The following TANC2 variants were observed in gnomAD, a reference collection of about 807,000 sequenced individuals.
The protein encoded by TANC2 is tetratricopeptide repeat, ankyrin repeat and coiled-coil containing 2.
In TANC2, 26 loss-of-function variants were observed where a neutral mutation model predicts 210.5. The ratio of observed to expected loss-of-function variants is 0.12; its 90% confidence interval spans 0.09 to 0.17. The LOEUF is 0.17. TANC2 is among the 10% of genes least tolerant of loss of function. The pLI is 1.00. For synonymous variants in TANC2, 931 were observed against 967.1 expected (o/e 0.96, Z 0.69); for missense variants, 2,129 against 2,608.9 (o/e 0.82, Z 4.01).
chr17:62,983,972 T>C (rs1423841327), intron 1 of TANC2, among the ~76,000 whole-genome samples: 1 of 152,084 alleles, frequency 6.6e-6, no homozygotes, highest in Non-Finnish European at 1.5e-5. Flanking sequence ...TAGGGTTATG[T>C]TGGCCTTATA....
At chr17:63,406,092 G>A in intron 20 of TANC2, 62 bp from the exon 21 acceptor site, 1 of 1,599,160 alleles carries the variant, frequency 6.3e-7, no homozygotes, top group Non-Finnish European at 8.5e-7. Context: ...GAGATAGTGT[G>A]CACGTGTCTT....
chr17:63,353,421 G>T (rs575305013), intron 13 of TANC2, among the ~76,000 whole-genome samples: 1 of 152,240 alleles, frequency 6.6e-6, no homozygotes, highest in South Asian at 2.1e-4. Flanking sequence ...TTGACATGGG[G>T]TGAGTTTTGT....
At chr17:63,130,232 G>A (rs1282244440) in intron 4 of TANC2, among the ~76,000 whole-genome samples, 2 of 152,008 alleles carry the variant, frequency 1.3e-5, no homozygotes, top group African/African-American at 2.4e-5. Flanking sequence ...TTACTTGGCC[G>A]GCTCAGTGGC....
At chr17:63,410,127 A>C (rs1224323928) in intron 21 of TANC2, among the ~76,000 whole-genome samples, 1 of 152,214 alleles carries the variant, frequency 6.6e-6, no homozygotes, top group African/African-American at 2.4e-5. Flanking sequence ...TAATGTGTGC[A>C]TTACCTTACA....
chr17:63,090,651 A>C (rs2037151353), intron 3 of TANC2, among the ~76,000 whole-genome samples: 1 of 152,196 alleles, frequency 6.6e-6, no homozygotes, highest in African/African-American at 2.4e-5. Flanking sequence ...TATTGTGAAT[A>C]GTGCTGCAAT....
At chr17:63,330,719 C>G (rs17760257) in intron 11 of TANC2, among the ~76,000 whole-genome samples, 21,875 of 152,078 alleles carry the variant, frequency 0.14, 2,032 homozygotes, top group Middle Eastern at 0.21. Flanking sequence ...TAATTTATAG[C>G]CACAACAAGA....
At chr17:63,393,806 T>C (rs2048063408) in intron 17 of TANC2, among the ~76,000 whole-genome samples, 1 of 151,604 alleles carries the variant, frequency 6.6e-6, no homozygotes, top group Non-Finnish European at 1.5e-5. Flanking sequence ...GTTTCACTCT[T>C]GTCGCCCAGG....
Position 63,412,291 on chromosome 17 carries a change from C to T in TANC2, c.3898+161C>T, listed in dbSNP as rs551601890. Among the ~76,000 whole-genome samples, 69 of 152,242 alleles carry T rather than the reference C, an allele frequency of 4.5e-4. No individual in the cohort carries two copies. The highest frequency in any genetic ancestry group is 1.5e-3 in the African/African-American group (64 of 41,542). On this transcript the variant is annotated intron_variant, in intron 23 of 27. Transcript: ENST00000689528. This position sits in a 1 kb window ranked among gnomAD's most constrained non-coding sequence, Gnocchi z 4.2. Reference sequence around the variant, plus strand: ...AGAGAGGCTCTTGGCCCAGGGAAAGCGCCATCTGAGCCATGGTCTGCAGTC... The same window carrying T: ...AGAGAGGCTCTTGGCCCAGGGAAAGTGCCATCTGAGCCATGGTCTGCAGTC...
chr17:63,323,300 G>C (rs1168815257), intron 11 of TANC2, among the ~76,000 whole-genome samples: 1 of 152,092 alleles, frequency 6.6e-6, no homozygotes, highest in African/African-American at 2.4e-5. Context: ...TAACATTCTT[G>C]CTCTTTCTTG....
At chr17:63,209,642 C>T (rs2464410) in intron 7 of TANC2, among the ~76,000 whole-genome samples, 26,566 of 151,762 alleles carry the variant, frequency 0.18, 4,621 homozygotes, top group African/African-American at 0.45. Flanking sequence ...CCTATGTTGG[C>T]CAGGCTGGTC....
intron 2 of TANC2, among the ~76,000 whole-genome samples, chr17:63,049,608 T>C (rs1423637518): frequency 6.6e-6 from 1 of 152,096 alleles, no homozygotes; most frequent in Admixed American, 6.6e-5. Context: ...AGAGAGGTAA[T>C]AGGGGCCAGG....
At chr17:63,425,884 C>G (rs1291058947) in exon 28 of TANC2, 1 of 152,284 alleles carries the variant, frequency 6.6e-6, no homozygotes, top group Admixed American at 6.5e-5. Flanking sequence ...CTGTCAGTTC[C>G]TCTCAGCCTC....
intron 7 of TANC2, among the ~76,000 whole-genome samples, chr17:63,215,707 T>C (rs1325418938): frequency 6.6e-6 from 1 of 152,134 alleles, no homozygotes; most frequent in Non-Finnish European, 1.5e-5. Context: ...ACTTTTATTT[T>C]ATTTTATTTT....
At chr17:63,297,681 G>A (rs2044578720) in intron 9 of TANC2, among the ~76,000 whole-genome samples, 1 of 152,086 alleles carries the variant, frequency 6.6e-6, no homozygotes, top group African/African-American at 2.4e-5. Context: ...CCAAAAGCAT[G>A]AGGAACAGCA....
intron 9 of TANC2, among the ~76,000 whole-genome samples, chr17:63,289,305 T>C (rs1429850866): frequency 6.6e-6 from 1 of 152,188 alleles, no homozygotes; most frequent in African/African-American, 2.4e-5. Flanking sequence ...TTCCCCATTA[T>C]GCATATTTAC....
In TANC2 at chr17:63,408,389, A is replaced by G. The variant is rs184191101; in HGVS notation, c.3589+2112A>G. On this transcript the variant is annotated intron_variant, in intron 21 of 27. Transcript: ENST00000689528. ...ATTGGATTTTGGAAGTATTTAACATATTATGGATTTGTTTCATGTGTATCT... is the reference window on the plus strand; with the variant it reads ...ATTGGATTTTGGAAGTATTTAACATGTTATGGATTTGTTTCATGTGTATCT... Among the ~76,000 whole-genome samples, 375 of 152,290 alleles carry G rather than the reference A, an allele frequency of 2.5e-3. 1 individual carries two copies. The highest frequency in any genetic ancestry group is 4.4e-3 in the Non-Finnish European group (300 of 68,010).
intron 1 of TANC2, among the ~76,000 whole-genome samples, chr17:62,969,687 A>G (rs2031576689): frequency 7.6e-6 from 1 of 132,120 alleles, no homozygotes. Flanking sequence ...CAAGTAGTTT[A>G]ATATAGTGTG....
chr17:63,007,646 G>A (rs2033679389), intron 1 of TANC2, among the ~76,000 whole-genome samples: 1 of 151,988 alleles, frequency 6.6e-6, no homozygotes, highest in Admixed American at 6.6e-5. Flanking sequence ...AGTTATTGAA[G>A]TCTAACATGA....
chr17:63,008,871 G>C (rs2033742146), intron 1 of TANC2, among the ~76,000 whole-genome samples: 1 of 151,748 alleles, frequency 6.6e-6, no homozygotes, highest in Non-Finnish European at 1.5e-5. Context: ...GGCGGTGTGT[G>C]TTTGTGCGTC....
Sources: gnomAD v4.1 joint callset for allele counts (sites outside exome capture counted in the v4.1 genomes callset) on GRCh38, gnomAD v4.1.1 for gene constraint, Gnocchi (gnomAD v3.1) non-coding constraint, MANE v1.5 for transcripts, NCBI Gene and HGNC (gene_info 2026-07-23, HGNC 2026-07-21) for gene names.